ANK2: variants seen among roughly 807,000 people sequenced by gnomAD.
ANK2 encodes the protein ankyrin 2, also known as ankyrin-2.
Under a neutral mutation model 360.5 loss-of-function variants are expected in ANK2, and 83 were observed. The ratio of observed to expected loss-of-function variants is 0.23; its 90% CI spans 0.19 to 0.28. The LOEUF is 0.28. Among genes scored for constraint, ANK2 ranks in the 10% least tolerant of loss-of-function variants. ANK2 has a pLI of 1.00. For synonymous variants in ANK2, 1,740 were observed against 1,759.5 expected (o/e 0.99, Z 0.28); for missense variants, 4,201 against 4,795.7 (o/e 0.88, Z 3.66).
chr4:112,887,453 T>G (rs539381435), intron 1 of ANK2, among the ~76,000 whole-genome samples: 1 of 152,358 alleles, frequency 6.6e-6, no homozygotes, highest in Non-Finnish European at 1.5e-5. Flanking sequence ...CTTATGGTAC[T>G]TTCAGTTTAT....
At chr4:112,772,735 AC>A in the ANK2 span, among the ~76,000 whole-genome samples, 1 of 152,132 alleles carries the variant, frequency 6.6e-6, no homozygotes, top group Non-Finnish European at 1.5e-5. Context: ...TCCCTTTGGT[AC>A]CCTCAGCAGG....
chr4:112,787,886 A>G, the ANK2 span, among the ~76,000 whole-genome samples: 1 of 152,128 alleles, frequency 6.6e-6, no homozygotes, highest in Non-Finnish European at 1.5e-5. Flanking sequence ...CTTAGCTGAA[A>G]TCTTAAGGGG....
intron 1 of ANK2, among the ~76,000 whole-genome samples, chr4:113,167,545 C>A (rs57247753): frequency 6.6e-6 from 1 of 152,226 alleles, no homozygotes; most frequent in East Asian, 1.9e-4. Context: ...GCAATCCACC[C>A]TCCTCAGCCT....
intron 1 of ANK2, among the ~76,000 whole-genome samples, chr4:112,876,009 C>A (rs1404353625): frequency 6.6e-6 from 1 of 151,238 alleles, no homozygotes; most frequent in Non-Finnish European, 1.5e-5. Context: ...CCTACCTTGG[C>A]TTCCCAAACT....
intron 2 of ANK2, among the ~76,000 whole-genome samples, chr4:113,020,919 T>C (rs796652087): frequency 5.3e-5 from 8 of 152,216 alleles, no homozygotes; most frequent in Non-Finnish European, 7.4e-5. Context: ...AGGATAAGGA[T>C]ATAAAATCAG....
At chr4:113,281,434 G>A (rs998249667) in intron 17 of ANK2, among the ~76,000 whole-genome samples, 2 of 151,996 alleles carry the variant, frequency 1.3e-5, no homozygotes, top group African/African-American at 2.4e-5. Context: ...TCGGTACTTA[G>A]GATGCTGAGG....
chr4:112,732,433 A>G, the ANK2 span, among the ~76,000 whole-genome samples: 2 of 151,986 alleles, frequency 1.3e-5, no homozygotes, highest in Non-Finnish European at 2.9e-5. Context: ...TTTTGTAGCA[A>G]GGGGAGTCTC....
At position 112,969,551 on chromosome 4, in the gene ANK2, G is replaced by A. The variant is rs142735505; in HGVS notation, c.21+65037G>A. Reference sequence around the variant, plus strand: ...AATGAAGACTAGGGAGGAAAAGAGTGAAAAGGGGGAAGAGGTGGTTGTGTT... The same window carrying A: ...AATGAAGACTAGGGAGGAAAAGAGTAAAAAGGGGGAAGAGGTGGTTGTGTT... On this transcript the variant is annotated intron_variant, in intron 2 of 30. Transcript: ENST00000503271. Among the ~76,000 whole-genome samples, 17 of 152,318 alleles carry A rather than the reference G, an allele frequency of 1.1e-4. No individual in the cohort carries two copies. The East Asian group carries it at 3.1e-3, about 28-fold the overall frequency.
chr4:112,874,333 T>C (rs2150316276), intron 1 of ANK2, among the ~76,000 whole-genome samples: 1 of 148,598 alleles, frequency 6.7e-6, no homozygotes, highest in South Asian at 2.2e-4. Flanking sequence ...TCCGATCGCC[T>C]CAGCCTCCCA....
chr4:113,350,306 A>G (rs1325879046), intron 37 of ANK2, 57 bp downstream of exon 37: 22 of 1,470,368 alleles, frequency 1.5e-5, no homozygotes, highest in Non-Finnish European at 1.7e-5. Flanking sequence ...AAAAAGAAGC[A>G]TGAATTAAAA....
chr4:113,301,365 CATG>C (rs1250550712), intron 22 of ANK2, among the ~76,000 whole-genome samples: 2 of 125,224 alleles, frequency 1.6e-5, no homozygotes, highest in Non-Finnish European at 3.2e-5. Context: ...TGGTATACAA[CATG>C]ATGTTTTGAT....
the ANK2 span, chr4:112,738,841 A>G: frequency 1.1e-5 from 7 of 639,332 alleles, no homozygotes; most frequent in East Asian, 3.9e-5. Flanking sequence ...TTGATGCCCA[A>G]CATTGGTTAT....
chr4:113,106,775 A>T (rs992517232), intron 1 of ANK2: 1 of 368,538 alleles, frequency 2.7e-6, no homozygotes, highest in Admixed American at 3.7e-5. Flanking sequence ...TTTCTTCACA[A>T]TATTTCATAG....
intron 10 of ANK2, among the ~76,000 whole-genome samples, chr4:113,251,399 A>T (rs1477716116): frequency 6.6e-6 from 1 of 151,692 alleles, no homozygotes; most frequent in East Asian, 1.9e-4. Flanking sequence ...CAACTATTAT[A>T]TAATATTGAG....
chr4:112,796,896 T>C, the ANK2 span, among the ~76,000 whole-genome samples: 1 of 152,198 alleles, frequency 6.6e-6, no homozygotes, highest in Non-Finnish European at 1.5e-5. Flanking sequence ...AAGTTAAATT[T>C]TCATCACAAA....
chr4:113,242,216 G>T lies in ANK2; in HGVS notation c.891+7G>T. 6.2e-7 allele frequency: 1 copy of T among 1,609,260 alleles called. No homozygotes were observed. The highest frequency in any genetic ancestry group is 1.1e-5 in the South Asian group (1 of 90,976). On this transcript the variant is annotated splice_region_variant and intron_variant, in intron 9 of 45. Transcript: ENST00000357077. Reference sequence around the variant, plus strand: ...GATCGATGCCAAAACTAGGGTGAGTGTCTCTGTTCTTTCAATTTTCTACCA... The same window carrying T: ...GATCGATGCCAAAACTAGGGTGAGTTTCTCTGTTCTTTCAATTTTCTACCA...
intron 2 of ANK2, among the ~76,000 whole-genome samples, chr4:113,004,901 A>C (rs1312775999): frequency 6.6e-6 from 1 of 152,204 alleles, no homozygotes; most frequent in Non-Finnish European, 1.5e-5. Context: ...TATAGTGTCC[A>C]TCATTGACTG....
In ANK2 at chr4:113,357,081, C is replaced by T. The variant is rs780668435; in HGVS notation, c.8463C>T (p.Asp2821=). The T allele has an allele frequency of 6.2e-7, 1 of 1,613,926 alleles. No homozygotes were observed. The highest frequency in any genetic ancestry group is 1.3e-5 in the African/African-American group (1 of 74,894). The part of the protein sequence containing the change: ...SLALQGTHEK[D]TEGEELDVSR... ...CTCTCCAAGGCACTCATGAAAAAGA[C>T]ACAGAGGGAGAAGAGCTTGATGTTT... Residue 2821 remains aspartate, a synonymous_variant, in exon 38 of 46, where the codon GAC becomes GAT. Transcript: ENST00000357077.
At position 113,360,855 on chromosome 4, in the gene ANK2, A is replaced by G. The variant is rs749096748; in HGVS notation, c.10714A>G (p.Arg3572Gly). Residue 3572 changes from arginine (R) to glycine (G), a missense_variant, in exon 39 of 46, where the codon AGG (arginine) becomes GGG (glycine). Arg to Gly is a moderately radical substitution (Grantham distance 125). Coordinates refer to ENST00000357077, the MANE Select transcript of ANK2 (RefSeq NM_001148.6). Reference protein sequence around the residue: ...PQDEQERIEERLAYIADHLGF... With the variant: ...PQDEQERIEEGLAYIADHLGF... ...GGATGAGCAGGAACGGATCGAGGAAAGGCTGGCTTATATTGCTGATCACCT... is the reference window on the plus strand; with the variant it reads ...GGATGAGCAGGAACGGATCGAGGAAGGGCTGGCTTATATTGCTGATCACCT... 3 of 1,612,890 alleles carry G rather than the reference A, an allele frequency of 1.9e-6. No individual in the cohort carries two copies. Among genetic ancestry groups the G allele is most frequent in the Middle Eastern group, 1.7e-4 (1 of 6,054 alleles).
Sources: gnomAD v4.1 joint callset for allele counts (sites outside exome capture counted in the v4.1 genomes callset) on GRCh38, gnomAD v4.1.1 for gene constraint, MANE v1.5 for transcripts, NCBI Gene and HGNC (gene_info 2026-07-23, HGNC 2026-07-21) for gene names.